The following ECHDC3 variants were observed in gnomAD, a reference collection of about 807,000 sequenced individuals.
The protein encoded by ECHDC3 is enoyl-CoA hydratase domain-containing protein 3, mitochondrial.
A neutral mutation model predicts 17.9 loss-of-function variants in ECHDC3; 20 were observed. That is an observed-to-expected ratio of 1.12 (90% CI 0.79 to 1.63). ECHDC3 has a LOEUF of 1.63. ECHDC3 is among the 40% of genes most tolerant of loss of function. ECHDC3 has a pLI of 0.00. For missense variants in ECHDC3, 407 were observed against 357.7 expected (o/e 1.14, Z -1.11); for synonymous variants, 177 against 149.7 (o/e 1.18, Z -1.33).
At chr10:11,748,000 A>C (rs1832780537) in intron 2 of ECHDC3, among the ~76,000 whole-genome samples, 1 of 152,224 alleles carries the variant, frequency 6.6e-6, no homozygotes, top group Non-Finnish European at 1.5e-5. Context: ...TAGCATTTTA[A>C]AGCATACACA....
intron 4 of ECHDC3, among the ~76,000 whole-genome samples, chr10:11,761,254 C>T (rs1343613333): frequency 6.6e-6 from 1 of 152,182 alleles, no homozygotes; most frequent in East Asian, 1.9e-4. Context: ...TGTGGCGATA[C>T]CTGGAGACAT....
Position 11,763,028 on chromosome 10 carries a change from C to T in ECHDC3, c.592-196C>T, listed in dbSNP as rs1832971242. On this transcript the variant is annotated intron_variant, in intron 4 of 4. Coordinates refer to ENST00000379215, the MANE Select transcript of ECHDC3 (RefSeq NM_024693.5). This position sits in a 1 kb window ranked among gnomAD's most constrained non-coding sequence, Gnocchi z 4.9. ...AAGAGAACACGGGACAGCCACTGCT[C>T]CCCTGGGCCTGGTGTGGTTTCTTCG... 6.6e-6 allele frequency among the ~76,000 whole-genome samples: 1 copy of T among 152,160 alleles called. No individual in the cohort carries two copies. The highest frequency in any genetic ancestry group is 2.1e-4 in the South Asian group (1 of 4,828).
At chr10:11,753,051 T>C (rs1478030479) in intron 3 of ECHDC3, among the ~76,000 whole-genome samples, 1 of 152,226 alleles carries the variant, frequency 6.6e-6, no homozygotes, top group African/African-American at 2.4e-5. Flanking sequence ...TTCACATTAT[T>C]TCTTAGAAGT....
At chr10:11,754,334 G>A (rs1056156346) in intron 3 of ECHDC3, among the ~76,000 whole-genome samples, 9 of 142,066 alleles carry the variant, frequency 6.3e-5, no homozygotes, top group African/African-American at 2.3e-4. Flanking sequence ...GGTTCAAAGA[G>A]CAGCACTTTA....
chr10:11,759,362 AAAAAAAAAC>A (rs1225334816), intron 4 of ECHDC3, among the ~76,000 whole-genome samples: 1 of 59,008 alleles, frequency 1.7e-5, no homozygotes, highest in African/African-American at 4.8e-5. Context: ...CTCTTAAAAA[AAAAAAAAAC>A]AAAAAAAAAA....
chr10:11,746,515 A>T (rs1832762452), intron 1 of ECHDC3, among the ~76,000 whole-genome samples: 1 of 152,192 alleles, frequency 6.6e-6, no homozygotes, highest in Non-Finnish European at 1.5e-5. Context: ...ACAAAGGATA[A>T]ATGCTTGAAG....
In ECHDC3 at chr10:11,754,232, G is replaced by A. The variant is rs572071659; in HGVS notation, c.391-1176G>A. ...ATATCAAACGTTTATGGATATAAAA[G>A]ATAAGCTTCTTAGACAAAATCTTCA... On this transcript the variant is annotated intron_variant, in intron 3 of 4. Transcript: ENST00000379215. Among the ~76,000 whole-genome samples the A allele has an allele frequency of 2.6e-5, 4 of 152,224 alleles. No individual in the cohort carries two copies. In the East Asian group the frequency reaches 5.8e-4, roughly 22 times the overall value.
chr10:11,750,515 A>T (rs1192656406), intron 3 of ECHDC3, among the ~76,000 whole-genome samples: 1 of 152,228 alleles, frequency 6.6e-6, no homozygotes, highest in Admixed American at 6.5e-5. Flanking sequence ...AAGAAGAGGC[A>T]CAAAAGTTTT....
intron 2 of ECHDC3, among the ~76,000 whole-genome samples, chr10:11,748,731 C>CA (rs1194274914): frequency 6.6e-6 from 1 of 152,076 alleles, no homozygotes; most frequent in Admixed American, 6.6e-5. Context: ...ACCAAAAATA[C>CA]AAAAATTAGC....
intron 4 of ECHDC3, among the ~76,000 whole-genome samples, chr10:11,762,371 TGG>T (rs1286541224): frequency 1.3e-5 from 2 of 152,114 alleles, no homozygotes; most frequent in Non-Finnish European, 2.9e-5. Context: ...TGACGGTGCA[TGG>T]GCGTATTTGA....
chr10:11,743,356 T>C (rs1832718381), intron 1 of ECHDC3, among the ~76,000 whole-genome samples: 1 of 152,198 alleles, frequency 6.6e-6, no homozygotes, highest in Non-Finnish European at 1.5e-5. Flanking sequence ...TAAAACGTCG[T>C]CTTCTCCTAC....
intron 3 of ECHDC3, among the ~76,000 whole-genome samples, chr10:11,753,575 C>T (rs943081681): frequency 1.3e-5 from 2 of 152,040 alleles, no homozygotes; most frequent in African/African-American, 2.4e-5. Flanking sequence ...ACACTCAGAA[C>T]GAAAACAAAA....
chr10:11,742,882 C>A, intron 1 of ECHDC3, 136 bp downstream of exon 1: 1 of 1,041,512 alleles, frequency 9.6e-7, no homozygotes, highest in Non-Finnish European at 1.2e-6. Context: ...GTCCCGGACC[C>A]GGGCCTGGCA....
chr10:11,763,603 C>G lies in ECHDC3; in HGVS notation c.*59C>G. 1 of 1,441,886 alleles carries G rather than the reference C, an allele frequency of 6.9e-7. No individual in the cohort carries two copies. Among genetic ancestry groups the G allele is most frequent in the Non-Finnish European group, 9.1e-7 (1 of 1,101,252 alleles). 89.3% of individuals were successfully genotyped at this position (1,441,886 alleles called of 1,614,324 possible). A position where few individuals can be genotyped will look rare whatever the true frequency, so the allele number is the denominator to read the frequency against. Reference sequence around the variant, plus strand: ...CCCAGGAGCCCACCTTCCCCTCTGGCCCAGCCACCACTGCCTCTCAGCTTC... The same window carrying G: ...CCCAGGAGCCCACCTTCCCCTCTGGGCCAGCCACCACTGCCTCTCAGCTTC... On this transcript the variant is annotated 3_prime_UTR_variant, in exon 5 of 5. Coordinates refer to ENST00000379215, the MANE Select transcript of ECHDC3 (RefSeq NM_024693.5). This position sits in a 1 kb window ranked among gnomAD's most constrained non-coding sequence, Gnocchi z 4.9.
At position 11,749,883 on chromosome 10, in the gene ECHDC3, C is replaced by T. The variant is rs575620659; in HGVS notation, c.390+291C>T. On this transcript the variant is annotated intron_variant, in intron 3 of 4. Coordinates refer to ENST00000379215, the MANE Select transcript of ECHDC3 (RefSeq NM_024693.5). ...CAATCTTGGCTCACTGCAACCTCCG[C>T]CTCCCAAGTTCAAGCGATTCTCCTG... 3.2e-4 allele frequency among the ~76,000 whole-genome samples: 47 copies of T among 144,788 alleles called. 1 individual carries two copies. In the East Asian group the frequency reaches 4.7e-3, roughly 14 times the overall value. 95.0% of individuals were successfully genotyped at this position (144,788 alleles called of 152,430 possible). A position where few individuals can be genotyped will look rare whatever the true frequency, so the allele number is the denominator to read the frequency against.
chr10:11,748,405 T>C (rs1404565807), intron 2 of ECHDC3, among the ~76,000 whole-genome samples: 2 of 152,160 alleles, frequency 1.3e-5, no homozygotes, highest in Admixed American at 1.3e-4. Flanking sequence ...TTTTTATTTT[T>C]TGTGGAGATG....
At chr10:11,761,678 C>T (rs1832953223) in intron 4 of ECHDC3, among the ~76,000 whole-genome samples, 1 of 152,228 alleles carries the variant, frequency 6.6e-6, no homozygotes, top group Admixed American at 6.5e-5. Context: ...GCACACTGCA[C>T]CCGGCCTCTC....
chr10:11,746,237 A>T (rs1373165352), intron 1 of ECHDC3, among the ~76,000 whole-genome samples: 1 of 151,568 alleles, frequency 6.6e-6, no homozygotes, highest in Non-Finnish European at 1.5e-5. Flanking sequence ...CTGAGGCAAG[A>T]GAATCACTTG....
intron 3 of ECHDC3, among the ~76,000 whole-genome samples, chr10:11,753,014 A>G (rs888757617): frequency 1.3e-5 from 2 of 152,196 alleles, no homozygotes; most frequent in African/African-American, 4.8e-5. Flanking sequence ...TTTGGTGAGC[A>G]TCTTTGGCAT....
Sources: gnomAD v4.1 joint callset for allele counts (sites outside exome capture counted in the v4.1 genomes callset) on GRCh38, gnomAD v4.1.1 for gene constraint, Gnocchi (gnomAD v3.1) non-coding constraint, MANE v1.5 for transcripts, NCBI Gene and HGNC (gene_info 2026-07-23, HGNC 2026-07-21) for gene names.